The following USP38 variants were observed in gnomAD, a reference collection of about 807,000 sequenced individuals.
The protein encoded by USP38 is ubiquitin specific peptidase 38.
Under a neutral mutation model 94.3 loss-of-function variants are expected in USP38, and 49 were observed. The observed-to-expected ratio is 0.52, with a 90% CI of 0.41 to 0.66. The LOEUF (loss-of-function observed/expected upper bound fraction) is 0.66. Ranked by LOEUF, USP38 falls within the 30% of genes least tolerant of loss-of-function variation. The pLI, the probability that USP38 is intolerant of heterozygous loss-of-function variation, is 0.00. For synonymous variants in USP38, 468 were observed against 463.6 expected, an observed-to-expected ratio of 1.01 and a Z score of -0.12; for missense variants, 1,128 against 1,229.4, an observed-to-expected ratio of 0.92 and a Z score of 1.23.
At chr4:143,195,652 T>C in intron 2 of USP38, 64 bp from the exon 3 acceptor site, 1 of 1,495,194 alleles carries the variant, frequency 6.7e-7, no homozygotes, top group East Asian at 2.3e-5. Context: ...ACTGTAACTC[T>C]TGTTATCACT....
chr4:143,206,307 A>G (rs1731867083), intron 6 of USP38, 81 bp downstream of exon 6: 1 of 1,216,182 alleles, frequency 8.2e-7, no homozygotes, highest in Middle Eastern at 2.4e-4. Context: ...AGAATTGTCT[A>G]CACATTATTC....
rs1732104081 is a variant in USP38, at chr4:143,213,955, A to G, written c.1979A>G (p.Tyr660Cys). Residue 660 changes from tyrosine (Y) to cysteine (C), a missense_variant, in exon 9 of 10, where the codon TAT becomes TGT. Transcript: ENST00000307017. ...VPGPSEEPVV[Y>C]NPTTAAFICD... ...GGTCCTTCAGAAGAACCAGTAGTTT[A>G]TAATCCAACAACAGCTGCCTTCATC... 4 of 1,613,678 alleles carry G rather than the reference A, an allele frequency of 2.5e-6. No individual in the cohort carries two copies. The highest frequency in any genetic ancestry group is 3.4e-6 in the Non-Finnish European group (4 of 1,179,806).
At position 143,214,573 on chromosome 4, in the gene USP38, C is replaced by T; in HGVS notation, c.2597C>T (p.Thr866Ile). The T allele has an allele frequency of 5.6e-6, 9 of 1,613,548 alleles. No individual in the cohort carries two copies. The highest frequency in any genetic ancestry group is 7.6e-6 in the Non-Finnish European group (9 of 1,179,776). Reference protein sequence around the residue: ...GHYYSYARNITSTDSSYQMYH... With the variant: ...GHYYSYARNIISTDSSYQMYH... Reference sequence around the variant, plus strand: ...TACTATTCTTATGCCAGGAATATCACAAGTACAGACTCTTCATATCAGATG... The same window carrying T: ...TACTATTCTTATGCCAGGAATATCATAAGTACAGACTCTTCATATCAGATG... The change falls in exon 9 of 10, where the codon ACA (threonine) becomes ATA (isoleucine). Residue 866 changes from threonine to isoleucine, a missense_variant. Coordinates refer to ENST00000307017, the MANE Select transcript of USP38 (RefSeq NM_032557.6).
At chr4:143,189,824 G>C (rs1223315515) in intron 2 of USP38, among the ~76,000 whole-genome samples, 1 of 151,880 alleles carries the variant, frequency 6.6e-6, no homozygotes, top group Non-Finnish European at 1.5e-5. Context: ...TTGATAATCT[G>C]TATTTTTATT....
chr4:143,192,824 GTTTA>G (rs1051616314), intron 2 of USP38, among the ~76,000 whole-genome samples: 3 of 152,118 alleles, frequency 2.0e-5, no homozygotes, highest in Non-Finnish European at 4.4e-5. Context: ...CTGATATGAA[GTTTA>G]TTTATAGGTG....
intron 1 of USP38, 114 bp from the exon 2 acceptor site, chr4:143,187,712 C>A: frequency 8.9e-7 from 1 of 1,118,608 alleles, no homozygotes; most frequent in Non-Finnish European, 1.2e-6. Flanking sequence ...GCATAATAAT[C>A]CTTCCTAGTT....
rs1319185623 is a variant in USP38 at position 143,186,226 on chromosome 4, A to G, written c.682+94A>G. On this transcript the variant is annotated intron_variant, in intron 1 of 9. Transcript: ENST00000307017. ...CACACCATGTTTTCCTCCTGCCCTA[A>G]AAACATTCTTAAGCGAGAGCAAATC... The G allele has an allele frequency of 4.5e-6, 6 of 1,336,558 alleles. No individual in the cohort carries two copies. The Admixed American group carries it at 8.4e-5, about 19-fold the overall frequency. The allele number at this position is 1,336,558 out of a possible 1,614,324, so 82.8% of individuals were successfully genotyped here. A position where few individuals can be genotyped will look rare whatever the true frequency, so the allele number is the denominator to read the frequency against.
At position 143,185,311 on chromosome 4, in the gene USP38, G is replaced by C; in HGVS notation, c.-140G>C. ...TCCCTGCGCCATAAATGTGGCTGCT[G>C]AGGCGGCGGTGGCCGTGGCCCGTCG... On this transcript the variant is annotated 5_prime_UTR_variant, in exon 1 of 10. Transcript: ENST00000307017. 1 of 917,560 alleles carries C rather than the reference G, an allele frequency of 1.1e-6. No individual in the cohort carries two copies. The highest frequency in any genetic ancestry group is 1.6e-6 in the Non-Finnish European group (1 of 626,350). The allele number at this position is 917,560 out of a possible 1,614,324, so 56.8% of individuals were successfully genotyped here.
intron 8 of USP38, among the ~76,000 whole-genome samples, chr4:143,212,972 T>C (rs1324519754): frequency 6.6e-6 from 1 of 152,186 alleles, no homozygotes; most frequent in East Asian, 1.9e-4. Flanking sequence ...ACAGTAAATA[T>C]CAATAAATAC....
chr4:143,219,298 A>G (rs1168791145), intron 9 of USP38, among the ~76,000 whole-genome samples: 2 of 152,058 alleles, frequency 1.3e-5, no homozygotes, highest in African/African-American at 4.8e-5. Context: ...AATATGACAG[A>G]TAGGTGTCAG....
rs777121129 is a variant in USP38 at position 143,187,969 on chromosome 4, T to G, written c.818+8T>G. On this transcript the variant is annotated splice_region_variant and intron_variant, in intron 2 of 9. Transcript: ENST00000307017. ...GACCCAAGCCCTTTGCAGGTACTTCTTCATGACACTATTAATGGTAATTGT... is the reference window on the plus strand; with the variant it reads ...GACCCAAGCCCTTTGCAGGTACTTCGTCATGACACTATTAATGGTAATTGT... 3 of 1,606,342 alleles carry G rather than the reference T, an allele frequency of 1.9e-6. No individual in the cohort carries two copies. The highest frequency in any genetic ancestry group is 2.5e-6 in the Non-Finnish European group (3 of 1,177,740).
At chr4:143,204,410 TGGACA>T in intron 5 of USP38, 1 of 452,524 alleles carries the variant, frequency 2.2e-6, no homozygotes, top group African/African-American at 2.0e-5. Flanking sequence ...TTTTTTTTTT[TGGACA>T]GTCTTGCTCT....
intron 4 of USP38, among the ~76,000 whole-genome samples, chr4:143,202,752 T>A (rs1312836924): frequency 6.6e-6 from 1 of 152,134 alleles, no homozygotes; most frequent in African/African-American, 2.4e-5. Context: ...TTCACTTTTA[T>A]TTTTAGCCCC....
chr4:143,198,029 C>A, intron 4 of USP38, 105 bp downstream of exon 4: 1 of 702,582 alleles, frequency 1.4e-6, no homozygotes, highest in Non-Finnish European at 2.3e-6. Flanking sequence ...AAGTTAGTCC[C>A]AAATCTGTTT....
intron 7 of USP38, among the ~76,000 whole-genome samples, chr4:143,210,715 T>C (rs1732001162): frequency 6.6e-6 from 1 of 151,942 alleles, no homozygotes; most frequent in African/African-American, 2.4e-5. Flanking sequence ...TTCATTGCCT[T>C]TATCTCACAG....
In USP38 at chr4:143,185,225, C is replaced by T. The variant is rs1190532458; in HGVS notation, c.-226C>T. The T allele has an allele frequency of 1.9e-5, 10 of 516,074 alleles. No individual in the cohort carries two copies. Among genetic ancestry groups the T allele is most frequent in the Admixed American group, 3.8e-5 (1 of 26,298 alleles). The allele number at this position is 516,074 out of a possible 1,614,324, so 32.0% of individuals were successfully genotyped here. On this transcript the variant is annotated 5_prime_UTR_variant, in exon 1 of 10. Transcript: ENST00000307017. ...CGGGCCTCTGGCGCCTTAGGCCAGC[C>T]GCAGGTGTCGGTTCTTAGGCTCTCC... is the stretch of plus-strand genomic sequence containing the variant.
intron 2 of USP38, among the ~76,000 whole-genome samples, chr4:143,192,088 G>A (rs756255340): frequency 2.6e-5 from 4 of 152,148 alleles, no homozygotes. Flanking sequence ...TGTAATTGTT[G>A]ACAAATTTCC....
intron 2 of USP38, among the ~76,000 whole-genome samples, chr4:143,192,754 A>C (rs1453004620): frequency 6.6e-6 from 1 of 152,014 alleles, no homozygotes; most frequent in Non-Finnish European, 1.5e-5. Flanking sequence ...AGATTTTAAC[A>C]TACGAATTTT....
chr4:143,211,048 G>C (rs529941427), intron 7 of USP38, among the ~76,000 whole-genome samples: 20 of 151,790 alleles, frequency 1.3e-4, no homozygotes, highest in African/African-American at 4.6e-4. Context: ...ATTGATTTTT[G>C]TGCTTTATCA....
Sources: allele counts gnomAD v4.1 joint callset (sites outside exome capture counted in the v4.1 genomes callset), GRCh38; gene constraint gnomAD v4.1.1; transcripts MANE v1.5; gene names NCBI Gene and HGNC (gene_info 2026-07-23, HGNC 2026-07-21).